NKAIN3: variants seen among roughly 807,000 people sequenced by gnomAD.
The protein encoded by NKAIN3 is sodium/potassium transporting ATPase interacting 3, also known as sodium/potassium-transporting ATPase subunit beta-1-interacting protein 3.
A neutral mutation model predicts 30.2 loss-of-function variants in NKAIN3; 25 were observed. The observed-to-expected ratio is 0.83, with a 90% CI of 0.60 to 1.16. NKAIN3 has a LOEUF of 1.16. Ranked by LOEUF, NKAIN3 falls within the 50% of genes most tolerant of loss-of-function variation. The probability of loss-of-function intolerance (pLI) is 0.00; values close to 1 mark genes in which losing one functional copy is unlikely to be tolerated. For synonymous variants in NKAIN3, 91 were observed against 89.6 expected (o/e 1.02, Z -0.09); for missense variants, 225 against 254.1 (o/e 0.89, Z 0.78).
chr8:62,489,676 G>A (rs368969932), intron 1 of NKAIN3, among the ~76,000 whole-genome samples: 329 of 152,298 alleles, frequency 2.2e-3, no homozygotes, highest in African/African-American at 7.6e-3. Flanking sequence ...TTCCTAACAA[G>A]TATCAATGAG....
chr8:62,763,259 A>AAAAAAAAAAAAAAAAAC (rs1563551311), intron 4 of NKAIN3, among the ~76,000 whole-genome samples: 2 of 140,376 alleles, frequency 1.4e-5, no homozygotes, highest in African/African-American at 2.8e-5. Flanking sequence ...AAAAAAAAAA[A>AAAAAAAAAAAAAAAAAC]AACTTATATA....
At chr8:62,494,339 G>A (rs1807165806) in intron 1 of NKAIN3, among the ~76,000 whole-genome samples, 1 of 152,182 alleles carries the variant, frequency 6.6e-6, no homozygotes, top group African/African-American at 2.4e-5. Context: ...ATTTGCATAT[G>A]TTGAACCAAC....
At chr8:62,251,182 A>C (rs964673625) in intron 1 of NKAIN3, among the ~76,000 whole-genome samples, 7 of 152,184 alleles carry the variant, frequency 4.6e-5, no homozygotes, top group Admixed American at 3.3e-4. Flanking sequence ...TTTGCAGGTG[A>C]GGAAGTTGAT....
At chr8:62,937,267 T>C (rs763252874) in intron 5 of NKAIN3, among the ~76,000 whole-genome samples, 26 of 152,204 alleles carry the variant, frequency 1.7e-4, no homozygotes, top group South Asian at 1.4e-3. Context: ...TGCAGGAACA[T>C]ATCAGGAAAA....
At chr8:62,776,294 A>C (rs978379659) in intron 4 of NKAIN3, among the ~76,000 whole-genome samples, 10 of 152,066 alleles carry the variant, frequency 6.6e-5, no homozygotes, top group African/African-American at 2.2e-4. Flanking sequence ...ATTATGGATA[A>C]GTAAGGACTT....
chr8:62,462,586 C>T (rs1239410475), intron 1 of NKAIN3, among the ~76,000 whole-genome samples: 2 of 152,160 alleles, frequency 1.3e-5, no homozygotes, highest in Admixed American at 6.5e-5. Flanking sequence ...TGAATAACCC[C>T]TGCATACCTT....
chr8:62,688,291 TAGTCTCTAGA>T (rs1208707531), intron 3 of NKAIN3, among the ~76,000 whole-genome samples: 1 of 152,220 alleles, frequency 6.6e-6, no homozygotes, highest in African/African-American at 2.4e-5. Context: ...ATGGTTCAGA[TAGTCTCTAGA>T]AGCTTCAGTT....
chr8:62,768,645 T>C (rs147520770), intron 4 of NKAIN3, among the ~76,000 whole-genome samples: 55 of 152,272 alleles, frequency 3.6e-4, no homozygotes, highest in African/African-American at 1.1e-3. Flanking sequence ...TCTGAGTTCA[T>C]TTTCAGCAGA....
intron 4 of NKAIN3, chr8:62,855,822 G>A (rs1354911961): frequency 1.1e-6 from 1 of 894,694 alleles, no homozygotes; most frequent in Non-Finnish European, 1.9e-6. Flanking sequence ...CTGGAATCCT[G>A]GAGGAGTCAC....
At chr8:62,802,811 C>A (rs901598892) in intron 4 of NKAIN3, among the ~76,000 whole-genome samples, 1 of 152,134 alleles carries the variant, frequency 6.6e-6, no homozygotes, top group African/African-American at 2.4e-5. Flanking sequence ...TTAAAAGACA[C>A]ACACTGGCAA....
At chr8:62,882,689 T>G (rs1821023608) in intron 4 of NKAIN3, among the ~76,000 whole-genome samples, 1 of 152,192 alleles carries the variant, frequency 6.6e-6, no homozygotes, top group Non-Finnish European at 1.5e-5. Context: ...TTCAAGGAAT[T>G]TTATAGTTTT....
intron 5 of NKAIN3, among the ~76,000 whole-genome samples, chr8:62,927,606 C>T (rs1822490031): frequency 6.6e-6 from 1 of 152,100 alleles, no homozygotes; most frequent in African/African-American, 2.4e-5. Context: ...AAACTATGTA[C>T]ATCTATTATG....
chr8:62,985,036 A>G (rs1182524602), downstream of NKAIN3: 2 of 152,204 alleles, frequency 1.3e-5, no homozygotes, highest in Non-Finnish European at 2.9e-5. Context: ...TTCATGCACA[A>G]ATAAAAGTCT....
At position 62,304,086 on chromosome 8, in the gene NKAIN3, T is replaced by A. The variant is rs553953000; in HGVS notation, c.54+54959T>A. On this transcript the variant is annotated intron_variant, in intron 1 of 6. Transcript: ENST00000623646. ...TTTTTATATTTAAATTGAAATAAGA[T>A]GGGCATAGCCATCAGCATATATACA... is the stretch of plus-strand genomic sequence containing the variant. 6.0e-4 allele frequency among the ~76,000 whole-genome samples: 90 copies of A among 150,590 alleles called. 2 individuals carry two copies. Among genetic ancestry groups the A allele is most frequent in the Non-Finnish European group, 5.4e-4 (37 of 67,986 alleles).
intron 1 of NKAIN3, among the ~76,000 whole-genome samples, chr8:62,290,287 G>T (rs1295426510): frequency 4.6e-5 from 7 of 152,142 alleles, no homozygotes; most frequent in Non-Finnish European, 1.5e-5. Context: ...ATGTTGAATT[G>T]GAGTGGTGAG....
At chr8:62,466,327 A>G (rs544768302) in intron 1 of NKAIN3, among the ~76,000 whole-genome samples, 64 of 152,292 alleles carry the variant, frequency 4.2e-4, no homozygotes, top group African/African-American at 1.4e-3. Context: ...TCCAATGACC[A>G]ATTTTTCTCC....
chr8:62,795,056 C>G (rs1299748049), intron 4 of NKAIN3, among the ~76,000 whole-genome samples: 1 of 152,112 alleles, frequency 6.6e-6, no homozygotes, highest in Non-Finnish European at 1.5e-5. Context: ...CTGTAGAGAG[C>G]AAGGTCCAGG....
chr8:62,544,827 T>C (rs1461131815), intron 1 of NKAIN3, among the ~76,000 whole-genome samples: 3 of 152,182 alleles, frequency 2.0e-5, no homozygotes, highest in African/African-American at 7.2e-5. Flanking sequence ...AATAGCCTAT[T>C]GTTGATGGAA....
intron 1 of NKAIN3, among the ~76,000 whole-genome samples, chr8:62,273,940 G>A (rs1397593596): frequency 6.6e-6 from 1 of 152,166 alleles, no homozygotes; most frequent in East Asian, 1.9e-4. Context: ...TGGGCCAGGT[G>A]CTGACCTCCA....
Sources: allele counts gnomAD v4.1 joint callset (sites outside exome capture counted in the v4.1 genomes callset), GRCh38; gene constraint gnomAD v4.1.1; transcripts MANE v1.5; gene names NCBI Gene and HGNC (gene_info 2026-07-23, HGNC 2026-07-21).